ETF1: variants seen among roughly 807,000 people sequenced by gnomAD.
ETF1 encodes the protein eukaryotic translation termination factor 1.
ETF1 carries 4 observed loss-of-function variants against 55.1 expected under a neutral mutation model. The ratio of observed to expected loss-of-function variants is 0.07; its 90% CI spans 0.04 to 0.17. The LOEUF is 0.17. Among genes scored for constraint, ETF1 ranks in the 10% least tolerant of loss-of-function variants. The pLI, the probability that ETF1 is intolerant of heterozygous loss-of-function variation, is 1.00. For missense variants in ETF1, 142 were observed against 523.6 expected, an observed-to-expected ratio of 0.27 and a Z score of 7.11; for synonymous variants, 157 against 182.3, an observed-to-expected ratio of 0.86 and a Z score of 1.12.
At chr5:138,510,800 C>T in intron 8 of ETF1, 171 bp from the exon 9 acceptor site, 2 of 680,102 alleles carry the variant, frequency 2.9e-6, no homozygotes, top group Non-Finnish European at 3.6e-6. Flanking sequence ...ATGCTTCAAC[C>T]ATAAGGAACA....
intron 9 of ETF1, among the ~76,000 whole-genome samples, chr5:138,509,598 T>TA (rs1260955027): frequency 8.6e-5 from 13 of 151,446 alleles, no homozygotes; most frequent in South Asian, 2.1e-4. Flanking sequence ...CCCATTTCTA[T>TA]AAAAAAAATT....
At chr5:138,513,045 AAG>A in intron 5 of ETF1, 91 bp from the exon 6 acceptor site, 1 of 1,413,008 alleles carries the variant, frequency 7.1e-7, no homozygotes, top group Non-Finnish European at 9.2e-7. Context: ...GTCATCATCT[AAG>A]AAAAGGACAA....
rs1336937479 is a variant in ETF1 at position 138,508,189 on chromosome 5, A to G, written c.*116T>C. Reference sequence around the variant, plus strand: ...TTCAATATCCAATGCTCATGGATTAAGTTCTGGAAATGTTCCAATTGTAAG... The same window carrying G: ...TTCAATATCCAATGCTCATGGATTAGGTTCTGGAAATGTTCCAATTGTAAG... On this transcript the variant is annotated 3_prime_UTR_variant, in exon 11 of 11. Transcript: ENST00000360541. 2 of 1,246,750 alleles carry G rather than the reference A, an allele frequency of 1.6e-6. No homozygotes were observed. The highest frequency in any genetic ancestry group is 2.8e-5 in the Admixed American group (1 of 35,438). The allele number at this position is 1,246,750 out of a possible 1,614,324, so 77.2% of individuals were successfully genotyped here.
chr5:138,513,975 A>G (rs541708475), intron 4 of ETF1: 2 of 856,108 alleles, frequency 2.3e-6, no homozygotes, highest in East Asian at 1.2e-4. Context: ...AACCAGAAAG[A>G]TATCTGTATG....
intron 2 of ETF1, chr5:138,541,686 T>C (rs1387364677): frequency 2.2e-6 from 3 of 1,354,392 alleles, no homozygotes; most frequent in East Asian, 3.6e-5. Context: ...ACTTTTCACA[T>C]GGCCTGAGGC....
At chr5:138,516,724 G>A (rs974906917) in intron 4 of ETF1, among the ~76,000 whole-genome samples, 3 of 152,104 alleles carry the variant, frequency 2.0e-5, no homozygotes, top group Admixed American at 6.6e-5. Flanking sequence ...ATGGTACAAC[G>A]GTTTGGAAAA....
Position 138,510,534 on chromosome 5 carries a change from G to C in ETF1, c.1083+31C>G, listed in dbSNP as rs754972400. On this transcript the variant is annotated intron_variant, in intron 9 of 10. Transcript: ENST00000360541. ...CTAACACACGGATTTACGCTTGCAC[G>C]TATCATCAAACCAAGAAAATAATCA... is the stretch of plus-strand genomic sequence containing the variant. 1.6e-5 allele frequency: 25 copies of C among 1,534,020 alleles called. No individual in the cohort carries two copies. In the South Asian group the frequency reaches 1.8e-4, roughly 11 times the overall value.
chr5:138,529,281 T>G (rs1236731977), intron 2 of ETF1, among the ~76,000 whole-genome samples: 1 of 152,206 alleles, frequency 6.6e-6, no homozygotes, highest in African/African-American at 2.4e-5. Flanking sequence ...GTTAGACCAG[T>G]TTGTGTAAAC....
Position 138,507,748 on chromosome 5 carries a change from C to T in ETF1, c.*557G>A, listed in dbSNP as rs1764609683. The T allele has an allele frequency of 6.5e-6, 1 of 152,836 alleles. No homozygotes were observed. The highest frequency in any genetic ancestry group is 2.4e-5 in the African/African-American group (1 of 41,456). The allele number at this position is 152,836 out of a possible 1,614,324, so 9.5% of individuals were successfully genotyped here. On this transcript the variant is annotated 3_prime_UTR_variant, in exon 11 of 11. Transcript: ENST00000360541. ...AAGTTGAAAGTGCCTCCTATTAGCT[C>T]ACCCTTTCAACATTAAACAGAGACC...
chr5:138,527,155 C>G (rs1028977620), intron 2 of ETF1, among the ~76,000 whole-genome samples: 1 of 152,116 alleles, frequency 6.6e-6, no homozygotes, highest in African/African-American at 2.4e-5. Context: ...AGTTTTCTTT[C>G]TAACTAGATG....
rs1472594282 is a variant in ETF1 at position 138,525,390 on chromosome 5, T to C, written c.87-6523A>G. Among the ~76,000 whole-genome samples, 3 of 151,278 alleles carry C rather than the reference T, an allele frequency of 2.0e-5. No individual in the cohort carries two copies. In the East Asian group the frequency reaches 5.9e-4, roughly 30 times the overall value. ...CCAGGCTGGTCTCGAACTCCTGACC[T>C]CGTGATCCGCCTGCCTCAGCCTCCC... is the stretch of plus-strand genomic sequence containing the variant. On this transcript the variant is annotated intron_variant, in intron 2 of 10. Transcript: ENST00000360541.
intron 2 of ETF1, among the ~76,000 whole-genome samples, chr5:138,538,499 C>T (rs758755998): frequency 1.3e-5 from 2 of 152,176 alleles, no homozygotes; most frequent in Non-Finnish European, 2.9e-5. Context: ...CCTCATGTGG[C>T]CTATTAATTT....
In ETF1 at chr5:138,543,122, C is replaced by T. The variant is rs1766258011; in HGVS notation, c.-44G>A. 1 of 592,480 alleles carries T rather than the reference C, an allele frequency of 1.7e-6. No individual in the cohort carries two copies. The highest frequency in any genetic ancestry group is 2.9e-6 in the Non-Finnish European group (1 of 342,408). The allele number at this position is 592,480 out of a possible 1,614,324, so 36.7% of individuals were successfully genotyped here. ...CTAAGGGCCCAGTCCTGGGCGGCAGCGGCTGCTCCTCCCCGGCGGCGGCTC... is the reference window on the plus strand; with the variant it reads ...CTAAGGGCCCAGTCCTGGGCGGCAGTGGCTGCTCCTCCCCGGCGGCGGCTC... On this transcript the variant is annotated 5_prime_UTR_variant, in exon 1 of 11. Coordinates refer to ENST00000360541, the MANE Select transcript of ETF1 (RefSeq NM_004730.4).
chr5:138,534,417 G>C (rs1167856526), intron 2 of ETF1, among the ~76,000 whole-genome samples: 1 of 152,216 alleles, frequency 6.6e-6, no homozygotes, highest in Non-Finnish European at 1.5e-5. Flanking sequence ...CAAAGCAAGA[G>C]ACTGCAATCA....
chr5:138,508,182 T>C lies in ETF1; in HGVS notation c.*123A>G. 3 of 1,202,300 alleles carry C rather than the reference T, an allele frequency of 2.5e-6. No homozygotes were observed. The highest frequency in any genetic ancestry group is 3.4e-6 in the Non-Finnish European group (3 of 874,570). 74.5% of individuals were successfully genotyped at this position (1,202,300 alleles called of 1,614,324 possible). A position where few individuals can be genotyped will look rare whatever the true frequency, so the allele number is the denominator to read the frequency against. On this transcript the variant is annotated 3_prime_UTR_variant, in exon 11 of 11. Coordinates refer to ENST00000360541, the MANE Select transcript of ETF1 (RefSeq NM_004730.4). Reference sequence around the variant, plus strand: ...TTTTCTTTTCAATATCCAATGCTCATGGATTAAGTTCTGGAAATGTTCCAA... The same window carrying C: ...TTTTCTTTTCAATATCCAATGCTCACGGATTAAGTTCTGGAAATGTTCCAA...
chr5:138,518,205 A>AT (rs1352506669), intron 3 of ETF1, among the ~76,000 whole-genome samples: 1 of 141,932 alleles, frequency 7.0e-6, no homozygotes, highest in East Asian at 2.1e-4. Context: ...TCTCATCCCA[A>AT]AAAAAAAAAA....
rs753832567 is a variant in ETF1 at position 138,542,907 on chromosome 5, G to A, written c.12C>T (p.Asp4=). The A allele has an allele frequency of 6.8e-6, 11 of 1,613,690 alleles. No homozygotes were observed. Among genetic ancestry groups the A allele is most frequent in the Non-Finnish European group, 9.3e-6 (11 of 1,179,898 alleles). MAD[D]PSAADRNVEI... is the part of the protein sequence containing the mutation. ...CCACGTTCCTGTCGGCAGCACTGGG[G>A]TCGTCCGCCATCTTCTCGCCTCCTC... The change falls in exon 2 of 11, where the codon GAC becomes GAT. Residue 4 remains aspartate (D), a synonymous_variant. Transcript: ENST00000360541.
intron 9 of ETF1, among the ~76,000 whole-genome samples, chr5:138,510,129 A>G (rs1386966568): frequency 6.6e-6 from 1 of 151,542 alleles, no homozygotes; most frequent in African/African-American, 2.4e-5. Flanking sequence ...GGCCGAGGTA[A>G]GTGGATTGCT....
chr5:138,524,094 G>A (rs1387949081), intron 2 of ETF1, among the ~76,000 whole-genome samples: 1 of 151,880 alleles, frequency 6.6e-6, no homozygotes, highest in Non-Finnish European at 1.5e-5. Flanking sequence ...GCTGAGGCAC[G>A]AAAACTGCTT....
Sources: allele counts gnomAD v4.1 joint callset (sites outside exome capture counted in the v4.1 genomes callset), GRCh38; gene constraint gnomAD v4.1.1; transcripts MANE v1.5; gene names NCBI Gene and HGNC (gene_info 2026-07-23, HGNC 2026-07-21).